The following ST18 variants were observed in gnomAD, a reference collection of about 807,000 sequenced individuals.
ST18 encodes ST18 C2H2C-type zinc finger transcription factor.
A neutral mutation model predicts 110.0 loss-of-function variants in ST18; 50 were observed. The ratio of observed to expected loss-of-function variants is 0.45; its 90% confidence interval spans 0.36 to 0.58. The LOEUF (loss-of-function observed/expected upper bound fraction) is 0.58. ST18 is among the 20% of genes least tolerant of loss of function. The pLI, the probability that ST18 is intolerant of heterozygous loss-of-function variation, is 0.00. For synonymous variants in ST18, 461 were observed against 452.4 expected, an observed-to-expected ratio of 1.02 and a Z score of -0.24; for missense variants, 1,306 against 1,280.1, an observed-to-expected ratio of 1.02 and a Z score of -0.31.
At chr8:52,349,632 C>A (rs533444282) in intron 2 of ST18, among the ~76,000 whole-genome samples, 1 of 152,166 alleles carries the variant, frequency 6.6e-6, no homozygotes, top group Non-Finnish European at 1.5e-5. Flanking sequence ...TGAGTGGAAA[C>A]CAATCTGACT....
intron 15 of ST18, chr8:52,154,513 A>C (rs1201185172): frequency 6.6e-6 from 1 of 152,152 alleles, no homozygotes; most frequent in Admixed American, 6.6e-5. Context: ...TCAGGGTGGG[A>C]GGAGGGAAGA....
At chr8:52,221,253 T>C (rs1269364487) in intron 4 of ST18, among the ~76,000 whole-genome samples, 2 of 152,186 alleles carry the variant, frequency 1.3e-5, no homozygotes, top group African/African-American at 4.8e-5. Flanking sequence ...AGGCAAGATT[T>C]GGAATGTACT....
chr8:52,386,470 T>C (rs1836810579), intron 2 of ST18, among the ~76,000 whole-genome samples: 1 of 150,568 alleles, frequency 6.6e-6, no homozygotes, highest in Non-Finnish European at 1.5e-5. Context: ...TTTTTTTTTC[T>C]TAAAAAAAAA....
chr8:52,276,799 T>G (rs1347193560), intron 2 of ST18, among the ~76,000 whole-genome samples: 1 of 149,904 alleles, frequency 6.7e-6, no homozygotes, highest in East Asian at 2.0e-4. Flanking sequence ...AGAGTTTTGC[T>G]CTTATCGTCC....
intron 2 of ST18, among the ~76,000 whole-genome samples, chr8:52,339,500 C>T (rs151097571): frequency 4.5e-4 from 69 of 152,358 alleles, no homozygotes; most frequent in African/African-American, 1.3e-3. Flanking sequence ...CAGCAGGGTT[C>T]GCAGATCTTG....
intron 2 of ST18, among the ~76,000 whole-genome samples, chr8:52,245,440 G>GA (rs1215948411): frequency 1.3e-5 from 2 of 151,840 alleles, no homozygotes; most frequent in African/African-American, 4.8e-5. Flanking sequence ...TGACACATCT[G>GA]AAAAAAAGGA....
At chr8:52,394,127 C>T (rs1183010455) in intron 2 of ST18, among the ~76,000 whole-genome samples, 2 of 152,232 alleles carry the variant, frequency 1.3e-5, no homozygotes, top group Non-Finnish European at 1.5e-5. Flanking sequence ...AGGCACCATT[C>T]CCATCCCCCT....
rs118174921 is a variant in ST18 at position 52,195,182 on chromosome 8, G to A, written c.87-14870C>T. Among the ~76,000 whole-genome samples, 753 of 152,262 alleles carry A rather than the reference G, an allele frequency of 4.9e-3. 5 individuals are homozygous for A. The highest frequency in any genetic ancestry group is 0.02 in the Middle Eastern group (6 of 294). ...ATGGATCATAGGGATGTACCCGGAA[G>A]AGCAGAAGTTGAATATAATAAGATA... On this transcript the variant is annotated intron_variant, in intron 8 of 25. Transcript: ENST00000689386.
chr8:52,307,518 T>G (rs2095834116), intron 2 of ST18, among the ~76,000 whole-genome samples: 1 of 152,210 alleles, frequency 6.6e-6, no homozygotes, highest in Non-Finnish European at 1.5e-5. Flanking sequence ...ATTTTTTAGA[T>G]TTTTCCTCAC....
At chr8:52,319,421 T>C (rs1802904507) in intron 2 of ST18, among the ~76,000 whole-genome samples, 1 of 152,198 alleles carries the variant, frequency 6.6e-6, no homozygotes, top group Non-Finnish European at 1.5e-5. Context: ...GATTTCTTCT[T>C]ACAGTTTTTC....
chr8:52,144,081 C>A (rs755190655), intron 16 of ST18, among the ~76,000 whole-genome samples: 2 of 152,058 alleles, frequency 1.3e-5, no homozygotes, highest in Non-Finnish European at 2.9e-5. Context: ...ACCTTGATTT[C>A]ATAAAGAAGA....
chr8:52,241,567 T>C (rs2093408965), intron 2 of ST18, among the ~76,000 whole-genome samples: 1 of 152,238 alleles, frequency 6.6e-6, no homozygotes, highest in Admixed American at 6.5e-5. Flanking sequence ...TATCACTTTC[T>C]TCTACTGTGG....
rs190049724 is a variant in ST18, at chr8:52,332,765, C to T, written c.-465+76563G>A. Among the ~76,000 whole-genome samples the T allele has an allele frequency of 7.5e-3, 1,138 of 151,978 alleles. 13 individuals are homozygous for T. Among genetic ancestry groups the T allele is most frequent in the African/African-American group, 0.025 (1,047 of 41,480 alleles). ...ACTCAGGAGGCTGAGGCGGGAGAAT[C>T]GCTTGAACCTGGGAGGCAGAGGTTG... On this transcript the variant is annotated intron_variant, in intron 2 of 25. Transcript: ENST00000689386.
At chr8:52,136,752 T>C in intron 18 of ST18, 94 bp from the exon 19 acceptor site, 1 of 1,088,670 alleles carries the variant, frequency 9.2e-7, no homozygotes, top group Non-Finnish European at 1.3e-6. Context: ...CGTTAAATTA[T>C]TGGTGACTGG....
chr8:52,121,810 A>C (rs535105663), intron 23 of ST18, among the ~76,000 whole-genome samples: 1 of 152,296 alleles, frequency 6.6e-6, no homozygotes, highest in Admixed American at 6.5e-5. Flanking sequence ...GGTATTGCTG[A>C]TTATCAAGGA....
chr8:52,389,878 G>A (rs2140964613), intron 2 of ST18, among the ~76,000 whole-genome samples: 1 of 152,268 alleles, frequency 6.6e-6, no homozygotes, highest in Admixed American at 6.5e-5. Context: ...TGTTTACAAG[G>A]AAAATACAGA....
At chr8:52,326,877 AG>A (rs2140002146) in intron 2 of ST18, among the ~76,000 whole-genome samples, 1 of 152,292 alleles carries the variant, frequency 6.6e-6, no homozygotes, top group Admixed American at 6.5e-5. Flanking sequence ...AAACCACCAC[AG>A]GGCTGGCAGC....
chr8:52,131,966 G>T lies in ST18; in HGVS notation c.2658C>A (p.Thr886=). 3 of 1,614,034 alleles carry T rather than the reference G, an allele frequency of 1.9e-6. No individual in the cohort carries two copies. The highest frequency in any genetic ancestry group is 2.5e-6 in the Non-Finnish European group (3 of 1,179,978). The change falls in exon 22 of 26, where the codon ACC becomes ACA. Residue 886 remains threonine (T), a synonymous_variant. Coordinates refer to ENST00000689386, the MANE Select transcript of ST18 (RefSeq NM_001352837.2). ...CAGAAAACTCATGTTACCTTCGGTG[G>T]GTGACAAAAACATTATTTACATGGC... ...GLGHVNNVFV[T]HRSLSGCPLN...
chr8:52,216,968 A>G (rs982646418), intron 6 of ST18, among the ~76,000 whole-genome samples: 1 of 152,188 alleles, frequency 6.6e-6, no homozygotes. Flanking sequence ...GATGAGGCAC[A>G]TGATTATGGT....
Sources: allele counts gnomAD v4.1 joint callset (sites outside exome capture counted in the v4.1 genomes callset), GRCh38; gene constraint gnomAD v4.1.1; transcripts MANE v1.5; gene names NCBI Gene and HGNC (gene_info 2026-07-23, HGNC 2026-07-21).